The following ARHGEF7 variants were observed in gnomAD, a reference collection of about 807,000 sequenced individuals.
ARHGEF7 encodes the protein Rho guanine nucleotide exchange factor 7.
In ARHGEF7, 33 loss-of-function variants were observed where a neutral mutation model predicts 109.8. That is an observed-to-expected ratio of 0.30 (90% CI 0.23 to 0.40). The LOEUF (loss-of-function observed/expected upper bound fraction) is 0.40, where lower values mean the gene tolerates loss of function less well. ARHGEF7 is among the 10% of genes least tolerant of loss of function. The probability of loss-of-function intolerance (pLI) is 1.00; values close to 1 mark genes in which losing one functional copy is unlikely to be tolerated. For synonymous variants in ARHGEF7, 458 were observed against 424.6 expected (o/e 1.08, Z -0.97); for missense variants, 938 against 1,098.5 (o/e 0.85, Z 2.07).
intron 1 of ARHGEF7, among the ~76,000 whole-genome samples, chr13:111,150,862 G>C (rs2153370718): frequency 6.6e-6 from 1 of 152,328 alleles, no homozygotes; most frequent in South Asian, 2.1e-4. Context: ...GCAATGAACT[G>C]GGGCATTATC....
rs999700605 is a variant in ARHGEF7, at chr13:111,153,584, G to T, written c.166-321G>T. On this transcript the variant is annotated intron_variant, in intron 1 of 21. Coordinates refer to ENST00000646102, the MANE Select transcript of ARHGEF7 (RefSeq NM_001354046.2). ...CAGGGTGGGCTGCGTCCGCGGGGGCGAACACCCGACGCTATCCGAAGACGT... is the reference window on the plus strand; with the variant it reads ...CAGGGTGGGCTGCGTCCGCGGGGGCTAACACCCGACGCTATCCGAAGACGT... 3.6e-6 allele frequency: 4 copies of T among 1,096,338 alleles called. No individual in the cohort carries two copies. In the South Asian group the frequency reaches 8.3e-5, roughly 23 times the overall value. 67.9% of individuals were successfully genotyped at this position (1,096,338 alleles called of 1,614,324 possible). A position where few individuals can be genotyped will look rare whatever the true frequency, so the allele number is the denominator to read the frequency against.
In ARHGEF7 at chr13:111,207,950, C is replaced by G. The variant is rs116331016; in HGVS notation, c.338-1922C>G. On this transcript the variant is annotated intron_variant, in intron 3 of 21. Coordinates refer to ENST00000646102, the MANE Select transcript of ARHGEF7 (RefSeq NM_001354046.2). The stretch of plus-strand genomic sequence containing the variant: ...AACTTGGTACTTTTAAGCTTTTAAA[C>G]TATAGGAATGACCCCTCCTAGATGG... 1.4e-3 allele frequency among the ~76,000 whole-genome samples: 210 copies of G among 152,316 alleles called. 1 individual carries two copies. The highest frequency in any genetic ancestry group is 4.8e-3 in the African/African-American group (201 of 41,568).
intron 2 of ARHGEF7, among the ~76,000 whole-genome samples, chr13:111,184,736 C>G (rs920578204): frequency 1.3e-5 from 2 of 152,116 alleles, no homozygotes; most frequent in African/African-American, 4.8e-5. Flanking sequence ...TGGGTTCTTC[C>G]TGTTTGTGAA....
At chr13:111,264,805 G>A (rs764517643) in intron 8 of ARHGEF7, among the ~76,000 whole-genome samples, 1 of 152,124 alleles carries the variant, frequency 6.6e-6, no homozygotes, top group Non-Finnish European at 1.5e-5. Flanking sequence ...GAACGTGTGT[G>A]GGATATTTTT....
rs1009185143 is a variant in ARHGEF7, at chr13:111,274,079, GTT to G, written c.1212+130_1212+131del. 3.0e-5 allele frequency: 35 copies of G among 1,186,250 alleles called. No homozygotes were observed. In the African/African-American group the frequency reaches 5.1e-4, roughly 17 times the overall value. The allele number at this position is 1,186,250 out of a possible 1,614,324, so 73.5% of individuals were successfully genotyped here. A position where few individuals can be genotyped will look rare whatever the true frequency, so the allele number is the denominator to read the frequency against. The stretch of plus-strand genomic sequence containing the variant: ...CCAGAACCAACAGAGTTTACAAAGA[GTT>G]TTGTTAAATATTATGTTTTTCTCCT... On this transcript the variant is annotated intron_variant, in intron 10 of 21. Coordinates refer to ENST00000646102, the MANE Select transcript of ARHGEF7 (RefSeq NM_001354046.2).
intron 6 of ARHGEF7, among the ~76,000 whole-genome samples, chr13:111,241,506 G>A (rs1022485622): frequency 1.3e-5 from 2 of 152,214 alleles, no homozygotes; most frequent in Non-Finnish European, 2.9e-5. Context: ...ATTGTGTTTA[G>A]CACCCTATTT....
chr13:111,158,744 T>C (rs1048761083), intron 2 of ARHGEF7, among the ~76,000 whole-genome samples: 1 of 152,202 alleles, frequency 6.6e-6, no homozygotes, highest in African/African-American at 2.4e-5. Flanking sequence ...GTTTTTAAAT[T>C]GACAAATAGT....
chr13:111,282,970 C>T (rs1409584262), intron 15 of ARHGEF7, 169 bp from the exon 16 acceptor site: 1 of 956,520 alleles, frequency 1.0e-6, no homozygotes, highest in Non-Finnish European at 1.5e-6. Flanking sequence ...TAGTGTTTGG[C>T]CCCAAAAACT....
At chr13:111,294,445 A>G (rs2093379041) in intron 19 of ARHGEF7, 1 of 985,232 alleles carries the variant, frequency 1.0e-6, no homozygotes. Context: ...TTACTGGGAC[A>G]TTTTCATTGA....
intron 12 of ARHGEF7, among the ~76,000 whole-genome samples, chr13:111,276,266 T>G (rs1258376896): frequency 6.6e-6 from 1 of 152,212 alleles, no homozygotes; most frequent in Non-Finnish European, 1.5e-5. Flanking sequence ...CTTTCTGAAT[T>G]TTATTCTACC....
intron 19 of ARHGEF7, among the ~76,000 whole-genome samples, chr13:111,300,029 T>C (rs2093528419): frequency 6.6e-6 from 1 of 152,244 alleles, no homozygotes; most frequent in Non-Finnish European, 1.5e-5. Flanking sequence ...CATCATTAAA[T>C]ACAATTTGAT....
chr13:111,171,831 G>A (rs1043650627), intron 2 of ARHGEF7, among the ~76,000 whole-genome samples: 3 of 152,030 alleles, frequency 2.0e-5, no homozygotes, highest in African/African-American at 4.8e-5. Context: ...GAGGTGACTA[G>A]GCTCATGAAT....
chr13:111,191,754 A>G (rs1224344377), intron 2 of ARHGEF7, among the ~76,000 whole-genome samples: 2 of 152,102 alleles, frequency 1.3e-5, no homozygotes, highest in Admixed American at 1.3e-4. Flanking sequence ...AGATAGTCAA[A>G]GAGTAAATAG....
At chr13:111,253,954 G>T (rs1021170506) in intron 8 of ARHGEF7, among the ~76,000 whole-genome samples, 1 of 152,206 alleles carries the variant, frequency 6.6e-6, no homozygotes, top group African/African-American at 2.4e-5. Context: ...TTTCACATAG[G>T]TTTCTGATGG....
chr13:111,257,795 T>C (rs954078551), intron 8 of ARHGEF7, among the ~76,000 whole-genome samples: 2 of 152,238 alleles, frequency 1.3e-5, no homozygotes, highest in African/African-American at 4.8e-5. Flanking sequence ...GGCTCAGTAG[T>C]TGTGAGACTT....
intron 2 of ARHGEF7, among the ~76,000 whole-genome samples, chr13:111,177,935 A>T (rs543051636): frequency 1.3e-5 from 2 of 152,168 alleles, no homozygotes; most frequent in Non-Finnish European, 2.9e-5. Context: ...TTGAACTCGC[A>T]CGCAGTGTGG....
rs777912997 is a variant in ARHGEF7 at position 111,153,912 on chromosome 13, C to T, written c.173C>T (p.Pro58Leu). 1.9e-6 allele frequency: 3 copies of T among 1,605,250 alleles called. No individual in the cohort carries two copies. The highest frequency in any genetic ancestry group is 1.7e-5 in the Admixed American group (1 of 59,692). The change falls in exon 2 of 22, where the codon CCC becomes CTC. Residue 58 changes from proline (P) to leucine (L), a missense_variant. Coordinates refer to ENST00000646102, the MANE Select transcript of ARHGEF7 (RefSeq NM_001354046.2). Reference sequence around the variant, plus strand: ...TTGTGCTCTGTATTGCAGGTCTACCCCGAGCCCCGGAGCGAGAGCGAGTGC... The same window carrying T: ...TTGTGCTCTGTATTGCAGGTCTACCTCGAGCCCCGGAGCGAGAGCGAGTGC... ...LLPGTIEKVY[P>L]EPRSESECLS... is the part of the protein sequence containing the mutation.
intron 2 of ARHGEF7, among the ~76,000 whole-genome samples, chr13:111,200,382 C>T (rs1156746640): frequency 1.3e-5 from 2 of 152,104 alleles, no homozygotes; most frequent in Non-Finnish European, 2.9e-5. Flanking sequence ...TCACCACTCA[C>T]CTTCACCTTT....
At chr13:111,173,728 A>G (rs920186832) in intron 2 of ARHGEF7, among the ~76,000 whole-genome samples, 1 of 149,732 alleles carries the variant, frequency 6.7e-6, no homozygotes, top group East Asian at 2.0e-4. Context: ...CTCTCCCCAC[A>G]TTGAATGGAG....
Sources: allele counts gnomAD v4.1 joint callset (sites outside exome capture counted in the v4.1 genomes callset), GRCh38; gene constraint gnomAD v4.1.1; transcripts MANE v1.5; gene names NCBI Gene and HGNC (gene_info 2026-07-23, HGNC 2026-07-21).